ZNF280D: variants seen among roughly 807,000 people sequenced by gnomAD.
ZNF280D encodes suppressor of hairy wing homolog 4.
A neutral mutation model predicts 94.7 loss-of-function variants in ZNF280D; 39 were observed. That is an observed-to-expected ratio of 0.41 (90% confidence interval 0.32 to 0.54). ZNF280D has a LOEUF of 0.54. Among genes scored for constraint, ZNF280D ranks in the 20% least tolerant of loss-of-function variants. The probability of loss-of-function intolerance (pLI) is 0.22; values close to 1 mark genes in which losing one functional copy is unlikely to be tolerated. For synonymous variants in ZNF280D, 398 were observed against 377.6 expected (o/e 1.05, Z -0.63); for missense variants, 1,090 against 1,149.3 (o/e 0.95, Z 0.75).
intron 21 of ZNF280D, among the ~76,000 whole-genome samples, chr15:56,632,930 A>G (rs1300256750): frequency 2.6e-5 from 4 of 152,220 alleles, no homozygotes; most frequent in South Asian, 2.1e-4. Context: ...ATGTAAATAT[A>G]TAACATACAT....
At chr15:56,658,530 G>A in intron 16 of ZNF280D, 44 bp from the exon 17 acceptor site, 1 of 1,358,286 alleles carries the variant, frequency 7.4e-7, no homozygotes. Context: ...TATACAATAA[G>A]TCACATTAAT....
At chr15:56,658,306 T>C (rs1365078921) in intron 17 of ZNF280D, 118 bp downstream of exon 17, 2 of 719,810 alleles carry the variant, frequency 2.8e-6, no homozygotes, top group Non-Finnish European at 4.6e-6. Context: ...TCCTAAAACC[T>C]ATAAACACAT....
chr15:56,642,992 T>C lies in ZNF280D; in HGVS notation c.2219A>G (p.Lys740Arg). 1 of 1,505,444 alleles carries C rather than the reference T, an allele frequency of 6.6e-7. No homozygotes were observed. The highest frequency in any genetic ancestry group is 8.8e-7 in the Non-Finnish European group (1 of 1,130,746). The allele number at this position is 1,505,444 out of a possible 1,614,324, so 93.3% of individuals were successfully genotyped here. The change falls in exon 20 of 22, where the codon AAA becomes AGA. Residue 740 changes from lysine to arginine, a missense_variant. Around this residue, in one of 3 missense-constraint regions of ZNF280D, gnomAD observed 577 missense variants for 568.8 expected, o/e 1.01. Coordinates refer to ENST00000267807, the MANE Select transcript of ZNF280D (RefSeq NM_017661.4). Reference protein sequence around the residue: ...IPTSEHLSELKKEAPAKEQEP... With the variant: ...IPTSEHLSELRKEAPAKEQEP... ...TTGTTCCTTTGCGGGAGCTTCTTTT[T>C]TTAATCTTGAAAACAAGATAAGTAT... is the stretch of plus-strand genomic sequence containing the variant.
At chr15:56,681,184 G>A (rs1179232517) in intron 10 of ZNF280D, among the ~76,000 whole-genome samples, 5 of 152,098 alleles carry the variant, frequency 3.3e-5, no homozygotes, top group African/African-American at 1.2e-4. Context: ...GTGTATTTCA[G>A]GATTTTTATG....
chr15:56,694,179 A>G (rs913394405), intron 6 of ZNF280D, among the ~76,000 whole-genome samples: 8 of 152,140 alleles, frequency 5.3e-5, no homozygotes, highest in African/African-American at 1.9e-4. Context: ...AGTATAAAGC[A>G]GTATAAAGTT....
At chr15:56,653,643 A>G in intron 19 of ZNF280D, 1 of 1,418,792 alleles carries the variant, frequency 7.0e-7, no homozygotes, top group Non-Finnish European at 9.2e-7. Context: ...AACGAATGAG[A>G]AAAAGACAAT....
chr15:56,680,846 A>T (rs572083781), intron 10 of ZNF280D, among the ~76,000 whole-genome samples: 1 of 152,334 alleles, frequency 6.6e-6, no homozygotes, highest in East Asian at 1.9e-4. Context: ...CTGAAATAAC[A>T]TAACCTCATA....
chr15:56,653,664 A>G lies in ZNF280D; in HGVS notation c.2213+534T>C, dbSNP rs535766831. On this transcript the variant is annotated intron_variant, in intron 19 of 21. Transcript: ENST00000267807. ...TGAGAAAAAGACAATTATCTGGCCT[A>G]AAACTTAAGACGTATAAGAAATTAA... The G allele has an allele frequency of 4.3e-6, 6 of 1,384,570 alleles. No individual in the cohort carries two copies. The Middle Eastern group carries it at 7.5e-4, about 173-fold the overall frequency. 85.8% of individuals were successfully genotyped at this position (1,384,570 alleles called of 1,614,324 possible).
rs754427655 is a variant in ZNF280D at position 56,631,785 on chromosome 15, G to A, written c.2653C>T (p.Arg885Ter). 5 of 1,614,042 alleles carry A rather than the reference G, an allele frequency of 3.1e-6. No individual in the cohort carries two copies. Among genetic ancestry groups the A allele is most frequent in the East Asian group, 2.2e-5 (1 of 44,870 alleles). Residue 885 changes from arginine to a stop codon, truncating the protein, a stop_gained, in exon 22 of 22, where the codon CGA (arginine) becomes TGA (stop). Coordinates refer to ENST00000267807, the MANE Select transcript of ZNF280D (RefSeq NM_017661.4). LOFTEE classifies it high-confidence loss of function. ...ATGCTTACATTATCTGATGCTAATC[G>A]CAAATCCTTAATATTCTTTGAAGAA... The part of the protein sequence containing the change: ...RFSSKNIKDL[R>*]LASDNVSIDQ...
intron 2 of ZNF280D, 36 bp downstream of exon 2, chr15:56,707,227 C>T: frequency 6.3e-7 from 1 of 1,587,268 alleles, no homozygotes. Flanking sequence ...TTGGGATTCA[C>T]AAATTATTGG....
intron 17 of ZNF280D, chr15:56,654,706 G>C: frequency 9.7e-6 from 6 of 616,232 alleles, no homozygotes; most frequent in South Asian, 9.4e-5. Context: ...TTTATTTACA[G>C]AAAGTATTTA....
At chr15:56,695,020 A>G (rs2141125460) in intron 6 of ZNF280D, among the ~76,000 whole-genome samples, 1 of 152,236 alleles carries the variant, frequency 6.6e-6, no homozygotes. Context: ...TTTCTGCATA[A>G]AAGCTTTGGC....
intron 1 of ZNF280D, among the ~76,000 whole-genome samples, chr15:56,708,381 G>GA (rs2057543271): frequency 6.6e-6 from 1 of 152,108 alleles, no homozygotes; most frequent in Non-Finnish European, 1.5e-5. Flanking sequence ...GCTGTAGCTT[G>GA]TCCCACTAGC....
At chr15:56,727,169 C>T (rs947277051) in intron 1 of ZNF280D, among the ~76,000 whole-genome samples, 2 of 152,202 alleles carry the variant, frequency 1.3e-5, no homozygotes, top group Non-Finnish European at 2.9e-5. Flanking sequence ...TCTTCCCTCC[C>T]TGTTATAAGA....
intron 14 of ZNF280D, 96 bp from the exon 15 acceptor site, chr15:56,667,082 G>C: frequency 1.0e-6 from 1 of 975,906 alleles, no homozygotes. Context: ...CAAGAATTTT[G>C]AAAAAAGCAC....
chr15:56,658,726 T>C (rs79122782), intron 16 of ZNF280D, among the ~76,000 whole-genome samples: 4,363 of 152,230 alleles, frequency 0.029, 202 homozygotes, highest in African/African-American at 0.1. Context: ...CACTGTACCT[T>C]ACCATTATAT....
chr15:56,651,780 G>A (rs1164444450), intron 19 of ZNF280D, among the ~76,000 whole-genome samples: 2 of 151,886 alleles, frequency 1.3e-5, no homozygotes, highest in African/African-American at 2.4e-5. Context: ...ATTGTTATTT[G>A]TTATTGTTTT....
chr15:56,720,976 G>GGT (rs1567039660), intron 1 of ZNF280D, among the ~76,000 whole-genome samples: 2 of 71,156 alleles, frequency 2.8e-5, no homozygotes, highest in Non-Finnish European at 6.7e-5. Context: ...TTTTTGGGGG[G>GGT]GGGGGGGACA....
chr15:56,658,127 T>A lies in ZNF280D; in HGVS notation c.2057+297A>T, dbSNP rs546153571. Among the ~76,000 whole-genome samples the A allele has an allele frequency of 3.9e-5, 6 of 152,288 alleles. No homozygotes were observed. In the East Asian group the frequency reaches 1.2e-3, roughly 29 times the overall value. On this transcript the variant is annotated intron_variant, in intron 17 of 21. Coordinates refer to ENST00000267807, the MANE Select transcript of ZNF280D (RefSeq NM_017661.4). ...ATCATGTATCATTTTTTATATGAAA[T>A]GTCCAGAATGGGCAAATATTACACA... is the stretch of plus-strand genomic sequence containing the variant.
Sources: gnomAD v4.1 joint callset for allele counts (sites outside exome capture counted in the v4.1 genomes callset) on GRCh38, gnomAD v4.1.1 for gene constraint, gnomAD v4.1.1 regional missense constraint, MANE v1.5 for transcripts, NCBI Gene and HGNC (gene_info 2026-07-23, HGNC 2026-07-21) for gene names.